The following KLHDC4 variants were observed in gnomAD, a reference collection of about 807,000 sequenced individuals.
KLHDC4 encodes the protein kelch domain containing 4.
A neutral mutation model predicts 62.4 loss-of-function variants in KLHDC4; 90 were observed. The observed-to-expected ratio is 1.44, with a 90% CI of 1.22 to 1.72. KLHDC4 has a LOEUF of 1.72. KLHDC4 is among the 40% of genes most tolerant of loss of function. The pLI, the probability that KLHDC4 is intolerant of heterozygous loss-of-function variation, is 0.00. For missense variants in KLHDC4, 1,025 were observed against 699.7 expected (o/e 1.47, Z -5.25); for synonymous variants, 386 against 284.4 (o/e 1.36, Z -3.59).
chr16:87,718,788 C>A (rs1018189098), intron 7 of KLHDC4, among the ~76,000 whole-genome samples: 1 of 151,856 alleles, frequency 6.6e-6, no homozygotes, highest in Non-Finnish European at 1.5e-5. Flanking sequence ...ACGAGCGTCT[C>A]TGACCGGCCG....
At chr16:87,733,905 G>A (rs942113344) in intron 5 of KLHDC4, among the ~76,000 whole-genome samples, 5 of 152,236 alleles carry the variant, frequency 3.3e-5, no homozygotes, top group Non-Finnish European at 5.9e-5. Flanking sequence ...GGCTGCAAAG[G>A]ATGGTTACAG....
intron 3 of KLHDC4, 157 bp from the exon 4 acceptor site, chr16:87,755,449 C>A: frequency 1.2e-5 from 6 of 500,700 alleles, no homozygotes; most frequent in East Asian, 3.7e-5. Flanking sequence ...TCCCCGGGGC[C>A]ATTGGGGATG....
intron 6 of KLHDC4, 84 bp from the exon 7 acceptor site, chr16:87,727,008 G>T: frequency 5.5e-6 from 8 of 1,442,512 alleles, no homozygotes; most frequent in Non-Finnish European, 7.7e-6. Context: ...TAAATTAAAG[G>T]TAAATTTCCT....
intron 5 of KLHDC4, among the ~76,000 whole-genome samples, chr16:87,731,680 C>T (rs1389513367): frequency 6.6e-6 from 1 of 151,944 alleles, no homozygotes; most frequent in Non-Finnish European, 1.5e-5. Flanking sequence ...ATAAACTTAG[C>T]GCACAGCTTA....
chr16:87,730,354 G>T (rs1195653858), intron 6 of KLHDC4, among the ~76,000 whole-genome samples, 198 bp downstream of exon 6: 1 of 152,260 alleles, frequency 6.6e-6, no homozygotes, highest in African/African-American at 2.4e-5. Context: ...AATTTCAATA[G>T]GAATACAGCA....
At position 87,765,831 on chromosome 16, in the gene KLHDC4, C is replaced by G; in HGVS notation, c.60G>C (p.Lys20Asn). The change falls in exon 1 of 12, where the codon AAG becomes AAC. Residue 20 changes from lysine (K) to asparagine (N), a missense_variant. Physicochemically the swap from Lys to Asn is moderately conservative, Grantham distance 94. Transcript: ENST00000270583. ...KGRGAEKTAAKMEKKVSKRSR... is the reference protein window; with the variant it reads ...KGRGAEKTAANMEKKVSKRSR... Reference sequence around the variant, plus strand: ...AGCGCTTAGACACCTTCTTCTCCATCTTGGCGGCCGTCTTCTCCGCGCCGC... The same window carrying G: ...AGCGCTTAGACACCTTCTTCTCCATGTTGGCGGCCGTCTTCTCCGCGCCGC... The G allele has an allele frequency of 3.2e-6, 5 of 1,562,156 alleles. No individual in the cohort carries two copies. The highest frequency in any genetic ancestry group is 4.3e-6 in the Non-Finnish European group (5 of 1,152,594).
exon 1 of KLHDC4, chr16:87,700,660 G>A (rs1322030770): frequency 4.1e-6 from 1 of 246,100 alleles, no homozygotes; most frequent in African/African-American, 2.5e-5. Flanking sequence ...GAGGGAGGAG[G>A]GCAGAGGGCG....
At chr16:87,761,785 AC>A (rs2045932135) in intron 2 of KLHDC4, among the ~76,000 whole-genome samples, 163 bp downstream of exon 2, 1 of 152,234 alleles carries the variant, frequency 6.6e-6, no homozygotes, top group Non-Finnish European at 1.5e-5. Flanking sequence ...AGTAAAGCTT[AC>A]AGCCTCATTC....
At chr16:87,743,120 G>C (rs148820556) in intron 5 of KLHDC4, 5 of 152,194 alleles carry the variant, frequency 3.3e-5, no homozygotes, top group African/African-American at 1.2e-4. Flanking sequence ...CTGATGTTTC[G>C]TTAAGTCACA....
chr16:87,744,977 CTGCACACACGCGG>C (rs989356974), intron 5 of KLHDC4, among the ~76,000 whole-genome samples: 1 of 89,086 alleles, frequency 1.1e-5, no homozygotes, highest in Non-Finnish European at 2.2e-5. Flanking sequence ...ATGCAATCAT[CTGCACACACGCGG>C]TGCACACACG....
At chr16:87,706,278 C>T (rs1174614294), downstream of KLHDC4, among the ~76,000 whole-genome samples, 9 of 27,324 alleles carry the variant, frequency 3.3e-4, no homozygotes, top group Admixed American at 1.1e-3. Context: ...GGGTCGGTGG[C>T]GGGGAGGGGG....
chr16:87,765,091 G>C, intron 1 of KLHDC4: 1 of 455,906 alleles, frequency 2.2e-6, no homozygotes. Flanking sequence ...AAAGCCCAGG[G>C]AGCTGTGCCT....
chr16:87,732,703 G>A (rs1056813822), intron 5 of KLHDC4, among the ~76,000 whole-genome samples: 9 of 152,204 alleles, frequency 5.9e-5, no homozygotes, highest in South Asian at 4.1e-4. Flanking sequence ...TGCATGTCAC[G>A]GGACAATGCT....
intron 5 of KLHDC4, chr16:87,740,885 C>T (rs1194652906): frequency 2.0e-5 from 3 of 152,184 alleles, no homozygotes; most frequent in African/African-American, 7.2e-5. Flanking sequence ...GTACGGAGAT[C>T]TATGCTGCAA....
intron 5 of KLHDC4, among the ~76,000 whole-genome samples, chr16:87,743,384 T>G (rs890157678): frequency 6.6e-6 from 1 of 152,134 alleles, no homozygotes; most frequent in African/African-American, 2.4e-5. Context: ...CATGAGCCAC[T>G]GCACCCGGCC....
chr16:87,719,555 G>C (rs2037828336), intron 7 of KLHDC4, among the ~76,000 whole-genome samples: 1 of 151,942 alleles, frequency 6.6e-6, no homozygotes, highest in Non-Finnish European at 1.5e-5. Flanking sequence ...CCTCTGCCTA[G>C]GAAAACCAGA....
At chr16:87,722,541 C>T (rs1018281831) in intron 7 of KLHDC4, among the ~76,000 whole-genome samples, 5 of 152,240 alleles carry the variant, frequency 3.3e-5, no homozygotes, top group African/African-American at 7.2e-5. Flanking sequence ...CTGTCAAGCA[C>T]GCCACTGTCC....
At chr16:87,730,282 C>T (rs1490515978) in intron 6 of KLHDC4, among the ~76,000 whole-genome samples, 2 of 152,230 alleles carry the variant, frequency 1.3e-5, no homozygotes, top group African/African-American at 4.8e-5. Flanking sequence ...GAACTAGCCA[C>T]ATCATTTGCA....
At chr16:87,762,241 A>C in intron 1 of KLHDC4, 1 of 1,122,922 alleles carries the variant, frequency 8.9e-7, no homozygotes, top group Non-Finnish European at 1.2e-6. Context: ...CAGTCTGCTT[A>C]AAGGGTAGAT....
Sources: gnomAD v4.1 joint callset for allele counts (sites outside exome capture counted in the v4.1 genomes callset) on GRCh38, gnomAD v4.1.1 for gene constraint, MANE v1.5 for transcripts, NCBI Gene and HGNC (gene_info 2026-07-23, HGNC 2026-07-21) for gene names.